Variants in PCSK6 observed in about 807,000 individuals in gnomAD.
PCSK6 encodes proprotein convertase subtilisin/kexin type 6, also known as paired basic amino acid cleaving enzyme 4.
A neutral mutation model predicts 123.3 loss-of-function variants in PCSK6; 85 were observed. The ratio of observed to expected loss-of-function variants is 0.69; its 90% confidence interval spans 0.58 to 0.83. PCSK6 has a LOEUF of 0.83. PCSK6 is among the 40% of genes least tolerant of loss of function. The pLI, the probability that PCSK6 is intolerant of heterozygous loss-of-function variation, is 0.00. For missense variants in PCSK6, 1,191 were observed against 1,282.3 expected (o/e 0.93, Z 1.09); for synonymous variants, 508 against 516.0 (o/e 0.98, Z 0.21).
chr15:101,426,145 T>A (rs146850203), intron 6 of PCSK6, among the ~76,000 whole-genome samples: 110 of 152,308 alleles, frequency 7.2e-4, no homozygotes, highest in African/African-American at 2.5e-3. Flanking sequence ...CAAATGGTTT[T>A]TATTCTCCCA....
chr15:101,354,114 C>T (rs940409361), intron 13 of PCSK6, among the ~76,000 whole-genome samples: 7 of 152,234 alleles, frequency 4.6e-5, no homozygotes, highest in African/African-American at 1.7e-4. Context: ...TAGAGCTCAG[C>T]CTTGTGTTAC....
rs375418391 is a variant in PCSK6 at position 101,398,548 on chromosome 15, T to G, written c.852A>C (p.Thr284=). The G allele has an allele frequency of 3.1e-6, 5 of 1,613,386 alleles. No homozygotes were observed. The highest frequency in any genetic ancestry group is 2.2e-5 in the South Asian group (2 of 91,054). The change falls in exon 7 of 22, where the codon ACA becomes ACC. Residue 284 remains threonine (T), a synonymous_variant. Coordinates refer to ENST00000611716, the MANE Select transcript of PCSK6 (RefSeq NM_002570.5). This position sits in a 1 kb window ranked among gnomAD's most constrained non-coding sequence, Gnocchi z 4.6. ...GGIRMLDGDV[T]DVVEAKSLGI... ...CCAGCGACTTTGCCTCGACCACATCTGTGACATCGCCGTCCAGCATGCGGA... is the reference window on the plus strand; with the variant it reads ...CCAGCGACTTTGCCTCGACCACATCGGTGACATCGCCGTCCAGCATGCGGA...
At chr15:101,319,317 G>A (rs78386626) in intron 18 of PCSK6, among the ~76,000 whole-genome samples, 4,112 of 152,236 alleles carry the variant, frequency 0.027, 202 homozygotes, top group African/African-American at 0.094. Flanking sequence ...GCCATACTGA[G>A]CAAGGGCTCT....
At chr15:101,366,703 C>T (rs951490664) in intron 12 of PCSK6, among the ~76,000 whole-genome samples, 3 of 152,312 alleles carry the variant, frequency 2.0e-5, no homozygotes, top group South Asian at 2.1e-4. Flanking sequence ...CAGCAACAAT[C>T]TTACAGAGAC....
At chr15:101,440,306 A>G (rs912517145) in intron 2 of PCSK6, among the ~76,000 whole-genome samples, 2 of 152,266 alleles carry the variant, frequency 1.3e-5, no homozygotes, top group Non-Finnish European at 2.9e-5. Flanking sequence ...AAAAACATCA[A>G]GTAAAGGTAA....
At chr15:101,450,374 T>C (rs2057003503) in intron 1 of PCSK6, among the ~76,000 whole-genome samples, 1 of 152,082 alleles carries the variant, frequency 6.6e-6, no homozygotes, top group Non-Finnish European at 1.5e-5. Flanking sequence ...ACCCCTGTGC[T>C]CGCTCAAGTC....
At chr15:101,383,736 C>T (rs1373014704) in intron 10 of PCSK6, among the ~76,000 whole-genome samples, 1 of 152,212 alleles carries the variant, frequency 6.6e-6, no homozygotes, top group African/African-American at 2.4e-5. Context: ...AGGATGCAAG[C>T]TGCCCTCAGG....
intron 20 of PCSK6, among the ~76,000 whole-genome samples, chr15:101,310,354 G>A (rs755644569): frequency 6.6e-6 from 1 of 152,030 alleles, no homozygotes; most frequent in Non-Finnish European, 1.5e-5. Flanking sequence ...CCTCCTGAGG[G>A]GCAAAGAGAG....
intron 13 of PCSK6, chr15:101,364,945 C>T: frequency 1.3e-6 from 1 of 769,840 alleles, no homozygotes; most frequent in East Asian, 2.4e-5. Context: ...ATGGTACTGA[C>T]TCCAAGATAG....
chr15:101,325,067 G>A lies in PCSK6; in HGVS notation c.2181-21C>T, dbSNP rs373698569. ...ACTTCCTGTAGGAGCAAAGGCAGGA[G>A]GGTGAGGGCCTTGCCAACCCAGCCC... On this transcript the variant is annotated intron_variant, in intron 16 of 21. Transcript: ENST00000611716. 107 of 1,580,944 alleles carry A rather than the reference G, an allele frequency of 6.8e-5. 1 individual carries two copies. The highest frequency in any genetic ancestry group is 8.5e-5 in the Non-Finnish European group (99 of 1,163,422).
At chr15:101,366,556 C>T (rs891466831) in intron 12 of PCSK6, among the ~76,000 whole-genome samples, 1 of 152,136 alleles carries the variant, frequency 6.6e-6, no homozygotes, top group African/African-American at 2.4e-5. Flanking sequence ...CTCCTTGAAC[C>T]TCCTTAACAT....
chr15:101,390,622 C>T (rs1004932316), intron 8 of PCSK6, among the ~76,000 whole-genome samples: 8 of 152,136 alleles, frequency 5.3e-5, no homozygotes, highest in Admixed American at 1.3e-4. Flanking sequence ...AGGCTGAGAA[C>T]GGGCCCCAGC....
At chr15:101,431,878 G>T in intron 3 of PCSK6, 112 bp downstream of exon 3, 1 of 786,174 alleles carries the variant, frequency 1.3e-6, no homozygotes, top group Non-Finnish European at 2.2e-6. Context: ...AAGGTGAAGT[G>T]TGTCTGTCTG....
intron 13 of PCSK6, among the ~76,000 whole-genome samples, chr15:101,353,995 T>C (rs2040969098): frequency 6.6e-6 from 1 of 152,208 alleles, no homozygotes; most frequent in Non-Finnish European, 1.5e-5. Context: ...CGTTTAATCC[T>C]CCCACCATCC....
chr15:101,371,940 G>A (rs769720251), intron 11 of PCSK6, among the ~76,000 whole-genome samples: 3 of 152,140 alleles, frequency 2.0e-5, no homozygotes, highest in Non-Finnish European at 4.4e-5. Flanking sequence ...TTTACCATAT[G>A]GGATGGAGTC....
intron 2 of PCSK6, among the ~76,000 whole-genome samples, chr15:101,432,670 G>C (rs2056485951): frequency 6.6e-6 from 1 of 151,712 alleles, no homozygotes; most frequent in South Asian, 2.1e-4. Flanking sequence ...AGAAAGACAA[G>C]AAGGAAGGGA....
chr15:101,382,105 C>G lies in PCSK6; in HGVS notation c.1519G>C (p.Asp507His), dbSNP rs1212591385. 1.2e-6 allele frequency: 2 copies of G among 1,606,704 alleles called. No individual in the cohort carries two copies. The highest frequency in any genetic ancestry group is 1.7e-6 in the Non-Finnish European group (2 of 1,176,612). Residue 507 changes from aspartate to histidine, a missense_variant, in exon 11 of 22, where the codon GAC (aspartate) becomes CAC (histidine). Asp to His is a moderately conservative substitution (Grantham distance 81). Transcript: ENST00000611716. The part of the protein sequence containing the change: ...PSQHMCVAAS[D>H]KRPRSIPLVQ... The stretch of plus-strand genomic sequence containing the variant: ...GCAGAGCCTTACCTGGGTCTCTTGT[C>G]CGAGGCGGCCACACACATGTGCTGC...
chr15:101,342,810 G>A (rs1344149443), intron 13 of PCSK6, among the ~76,000 whole-genome samples: 1 of 152,056 alleles, frequency 6.6e-6, no homozygotes, highest in Non-Finnish European at 1.5e-5. Flanking sequence ...ACTAAGGCAG[G>A]AGAATCGTTT....
At chr15:101,483,927 G>C (rs1258533816) in intron 1 of PCSK6, among the ~76,000 whole-genome samples, 1 of 152,196 alleles carries the variant, frequency 6.6e-6, no homozygotes, top group Non-Finnish European at 1.5e-5. Context: ...GGCTTCAGAT[G>C]GTCCAGAAGC....
Sources: allele counts gnomAD v4.1 joint callset (sites outside exome capture counted in the v4.1 genomes callset), GRCh38; gene constraint gnomAD v4.1.1; non-coding constraint Gnocchi (gnomAD v3.1); transcripts MANE v1.5; gene names NCBI Gene and HGNC (gene_info 2026-07-23, HGNC 2026-07-21).